Variants in KCNJ6 observed in about 807,000 individuals in gnomAD.
The protein encoded by KCNJ6 is potassium inwardly rectifying channel subfamily J member 6, also known as G protein-activated inward rectifier potassium channel 2.
Under a neutral mutation model 34.2 loss-of-function variants are expected in KCNJ6, and 9 were observed. The ratio of observed to expected loss-of-function variants is 0.26; its 90% CI spans 0.16 to 0.46. The LOEUF (loss-of-function observed/expected upper bound fraction) is 0.46, where lower values mean the gene tolerates loss of function less well. Ranked by LOEUF, KCNJ6 falls within the 20% of genes least tolerant of loss-of-function variation. KCNJ6 has a pLI of 1.00. For synonymous variants in KCNJ6, 196 were observed against 207.1 expected, an observed-to-expected ratio of 0.95 and a Z score of 0.46; for missense variants, 236 against 531.3, an observed-to-expected ratio of 0.44 and a Z score of 5.46.
At chr21:37,725,621 T>C (rs1484613859) in intron 2 of KCNJ6, among the ~76,000 whole-genome samples, 1 of 152,222 alleles carries the variant, frequency 6.6e-6, no homozygotes, top group African/African-American at 2.4e-5. Flanking sequence ...TATCACAATT[T>C]AGAAATGAAA....
At chr21:37,699,962 G>A (rs750570031) in intron 3 of KCNJ6, among the ~76,000 whole-genome samples, 3 of 152,160 alleles carry the variant, frequency 2.0e-5, no homozygotes, top group African/African-American at 7.2e-5. Flanking sequence ...ATTACATAGC[G>A]TCCGGTGGAA....
At chr21:37,824,703 C>T (rs1421908561) in intron 2 of KCNJ6, among the ~76,000 whole-genome samples, 1 of 152,166 alleles carries the variant, frequency 6.6e-6, no homozygotes, top group Non-Finnish European at 1.5e-5. Context: ...TTCCTGCCAC[C>T]ATGTAAGACG....
intron 2 of KCNJ6, among the ~76,000 whole-genome samples, chr21:37,773,236 G>C (rs566952676): frequency 2.0e-5 from 3 of 152,250 alleles, no homozygotes; most frequent in Admixed American, 2.0e-4. Context: ...TAGCTCTGAG[G>C]CTTCACGGCA....
intron 3 of KCNJ6, among the ~76,000 whole-genome samples, chr21:37,634,480 T>C (rs932514032): frequency 6.6e-6 from 1 of 152,166 alleles, no homozygotes; most frequent in Non-Finnish European, 1.5e-5. Flanking sequence ...CAGCCTCAGG[T>C]ATTCCTTTAT....
At chr21:37,856,714 T>C (rs1001015947) in intron 1 of KCNJ6, among the ~76,000 whole-genome samples, 2 of 152,188 alleles carry the variant, frequency 1.3e-5, no homozygotes, top group Non-Finnish European at 2.9e-5. Context: ...TATTATATTA[T>C]TCTTGTGGCT....
chr21:37,785,985 G>A (rs1290568232), intron 2 of KCNJ6, among the ~76,000 whole-genome samples: 4 of 152,200 alleles, frequency 2.6e-5, no homozygotes, highest in African/African-American at 9.7e-5. Flanking sequence ...CTTGGACTTC[G>A]GAGCCTCCAG....
At chr21:37,856,279 G>A (rs1488876421) in intron 1 of KCNJ6, among the ~76,000 whole-genome samples, 1 of 152,210 alleles carries the variant, frequency 6.6e-6, no homozygotes, top group Admixed American at 6.5e-5. Context: ...TGAGATGGGA[G>A]AAGAATTACT....
chr21:37,646,545 A>G (rs886195983), intron 3 of KCNJ6, among the ~76,000 whole-genome samples: 1 of 152,168 alleles, frequency 6.6e-6, no homozygotes. Flanking sequence ...TTTTCCCTCT[A>G]GGGAGGGTTG....
intron 2 of KCNJ6, among the ~76,000 whole-genome samples, chr21:37,768,454 G>A (rs1191691149): frequency 6.6e-6 from 1 of 152,156 alleles, no homozygotes; most frequent in African/African-American, 2.4e-5. Flanking sequence ...AAAGGAAAAA[G>A]TAGGGAAGAA....
At chr21:37,891,891 T>C (rs1025974998) in intron 1 of KCNJ6, among the ~76,000 whole-genome samples, 12 of 150,384 alleles carry the variant, frequency 8.0e-5, no homozygotes, top group Non-Finnish European at 7.4e-5. Context: ...TGGGTGTGGG[T>C]TGATGGTCTC....
intron 1 of KCNJ6, among the ~76,000 whole-genome samples, chr21:37,899,991 G>T (rs1363419768): frequency 6.6e-6 from 1 of 152,196 alleles, no homozygotes; most frequent in Non-Finnish European, 1.5e-5. Context: ...GACCTGTCCA[G>T]CTTCTTTGAA....
intron 3 of KCNJ6, among the ~76,000 whole-genome samples, chr21:37,705,846 C>T (rs1021091356): frequency 6.6e-6 from 1 of 152,172 alleles, no homozygotes; most frequent in Non-Finnish European, 1.5e-5. Flanking sequence ...TATACAATGG[C>T]CAACTTGTCA....
chr21:37,862,153 A>C (rs1346161638), intron 1 of KCNJ6, among the ~76,000 whole-genome samples: 3 of 152,216 alleles, frequency 2.0e-5, no homozygotes, highest in Non-Finnish European at 4.4e-5. Context: ...GAATTCTTCC[A>C]TGAGAGCTGT....
At chr21:37,771,668 C>A (rs562830481) in intron 2 of KCNJ6, among the ~76,000 whole-genome samples, 6 of 152,134 alleles carry the variant, frequency 3.9e-5, no homozygotes, top group African/African-American at 7.2e-5. Context: ...CAAGGAGATG[C>A]GCCAGATAGC....
intron 3 of KCNJ6, among the ~76,000 whole-genome samples, chr21:37,674,084 C>A (rs1246162228): frequency 6.6e-6 from 1 of 152,194 alleles, no homozygotes; most frequent in Non-Finnish European, 1.5e-5. Flanking sequence ...CAGGGGAGAA[C>A]CTTCAGATCC....
At chr21:37,665,704 G>A (rs2054510789) in intron 3 of KCNJ6, among the ~76,000 whole-genome samples, 1 of 152,206 alleles carries the variant, frequency 6.6e-6, no homozygotes, top group African/African-American at 2.4e-5. Context: ...GTGTCTGCTC[G>A]CTGACATCAT....
At chr21:37,841,040 C>T (rs2123578648) in intron 1 of KCNJ6, among the ~76,000 whole-genome samples, 1 of 151,318 alleles carries the variant, frequency 6.6e-6, no homozygotes, top group African/African-American at 2.4e-5. Context: ...TTTTTTTTTC[C>T]TCTCTGTTTC....
At chr21:37,800,386 T>C (rs779164476) in intron 2 of KCNJ6, among the ~76,000 whole-genome samples, 12 of 152,190 alleles carry the variant, frequency 7.9e-5, no homozygotes, top group South Asian at 4.1e-4. Flanking sequence ...CAGTGTTACA[T>C]TGTGGGGACT....
At chr21:37,820,155 C>T (rs547437729) in intron 2 of KCNJ6, among the ~76,000 whole-genome samples, 19 of 152,230 alleles carry the variant, frequency 1.2e-4, no homozygotes, top group East Asian at 3.9e-4. Context: ...ACTAATTACA[C>T]GGTTGTAACT....
Sources: allele counts gnomAD v4.1 joint callset (sites outside exome capture counted in the v4.1 genomes callset), GRCh38; gene constraint gnomAD v4.1.1; transcripts MANE v1.5; gene names NCBI Gene and HGNC (gene_info 2026-07-23, HGNC 2026-07-21).